Variants in JAKMIP1 observed in about 807,000 individuals in gnomAD.
The protein encoded by JAKMIP1 is janus kinase and microtubule interacting protein 1.
A neutral mutation model predicts 113.0 loss-of-function variants in JAKMIP1; 33 were observed. The observed-to-expected ratio is 0.29, with a 90% CI of 0.22 to 0.39. JAKMIP1 has a LOEUF of 0.39. JAKMIP1 is among the 10% of genes least tolerant of loss of function. JAKMIP1 has a pLI of 1.00. For synonymous variants in JAKMIP1, 480 were observed against 459.9 expected (o/e 1.04, Z -0.56); for missense variants, 813 against 1,080.5 (o/e 0.75, Z 3.47).
chr4:6,077,389 G>T (rs1258770295), intron 8 of JAKMIP1, among the ~76,000 whole-genome samples: 1 of 151,886 alleles, frequency 6.6e-6, no homozygotes, highest in Non-Finnish European at 1.5e-5. Flanking sequence ...GGAGGGGTCT[G>T]CTACGGGTTT....
In JAKMIP1 at chr4:6,155,853, C is replaced by G. The variant is rs757067260; in HGVS notation, c.-147-42856G>C. ...AGCCTTCCTGGGTCCTGCCCTAGAC[C>G]TCATGAATGGCACTCTCTAGAGGTG... On this transcript the variant is annotated intron_variant, in intron 1 of 20. Transcript: ENST00000409021. The surrounding 1 kb of genome is among the most constrained non-coding windows in gnomAD (Gnocchi z 6.1). Among the ~76,000 whole-genome samples, 4 of 152,138 alleles carry G rather than the reference C, an allele frequency of 2.6e-5. No individual in the cohort carries two copies. Among genetic ancestry groups the G allele is most frequent in the Non-Finnish European group, 4.4e-5 (3 of 68,034 alleles).
intron 2 of JAKMIP1, among the ~76,000 whole-genome samples, chr4:6,110,918 G>T (rs1015080260): frequency 6.6e-6 from 1 of 151,234 alleles, no homozygotes; most frequent in African/African-American, 2.4e-5. Context: ...CCCCAGCCCC[G>T]GAGGTGACCT....
chr4:6,060,503 C>G lies in JAKMIP1; in HGVS notation c.1565G>C (p.Arg522Pro). Residue 522 changes from arginine (R) to proline (P), a missense_variant, in exon 11 of 21, where the codon CGG becomes CCG. Physicochemically the swap from Arg to Pro is moderately radical, Grantham distance 103. Coordinates refer to ENST00000409021, the MANE Select transcript of JAKMIP1 (RefSeq NM_001099433.2). ...CAGCAGATCAGCTTGTAGCTGCTCC[C>G]GAGTCTGGAAGGGAAAAGACCAGGC... The part of the protein sequence containing the change: ...TLDAEREART[R>P]EQLQADLLRC... 6.2e-7 allele frequency: 1 copy of G among 1,613,604 alleles called. No homozygotes were observed. Among genetic ancestry groups the G allele is most frequent in the Non-Finnish European group, 8.5e-7 (1 of 1,179,578 alleles).
chr4:6,104,514 G>A (rs1024677708), intron 3 of JAKMIP1, among the ~76,000 whole-genome samples: 19 of 152,254 alleles, frequency 1.2e-4, no homozygotes, highest in Non-Finnish European at 1.3e-4. Context: ...TGCTTGCACA[G>A]TGTATCTTTC....
chr4:6,041,449 CCTT>C (rs1319007171), intron 17 of JAKMIP1, among the ~76,000 whole-genome samples: 4 of 152,268 alleles, frequency 2.6e-5, no homozygotes, highest in Non-Finnish European at 5.9e-5. Context: ...CCACCTTCCT[CCTT>C]CTCCTCCCAT....
At chr4:6,062,478 A>C in intron 9 of JAKMIP1, 38 bp from the exon 10 acceptor site, 1 of 1,581,170 alleles carries the variant, frequency 6.3e-7, no homozygotes, top group South Asian at 1.1e-5. Context: ...AATCAAGTGC[A>C]AAATTACAAT....
In JAKMIP1 at chr4:6,153,689, C is replaced by G. The variant is rs1357636605; in HGVS notation, c.-147-40692G>C. On this transcript the variant is annotated intron_variant, in intron 1 of 20. Coordinates refer to ENST00000409021, the MANE Select transcript of JAKMIP1 (RefSeq NM_001099433.2). This position sits in a 1 kb window ranked among gnomAD's most constrained non-coding sequence, Gnocchi z 4.9. Reference sequence around the variant, plus strand: ...ATGTGCTTAGTACTTTTCTTTAACACTACTGACTTTTGAAAAACCTGTACA... The same window carrying G: ...ATGTGCTTAGTACTTTTCTTTAACAGTACTGACTTTTGAAAAACCTGTACA... Among the ~76,000 whole-genome samples the G allele has an allele frequency of 6.6e-6, 1 of 152,202 alleles. No homozygotes were observed. Among genetic ancestry groups the G allele is most frequent in the African/African-American group, 2.4e-5 (1 of 41,452 alleles).
Position 6,180,621 on chromosome 4 carries a change from G to C in JAKMIP1, c.-148+19632C>G, listed in dbSNP as rs533879868. ...TGTTTCAAACTGTCCAAATTACCTAGTATTCTGCAGCCCTGTGACAAGGGT... is the reference window on the plus strand; with the variant it reads ...TGTTTCAAACTGTCCAAATTACCTACTATTCTGCAGCCCTGTGACAAGGGT... On this transcript the variant is annotated intron_variant, in intron 1 of 20. Transcript: ENST00000409021. This position sits in a 1 kb window ranked among gnomAD's most constrained non-coding sequence, Gnocchi z 4.5. Among the ~76,000 whole-genome samples the C allele has an allele frequency of 6.6e-6, 1 of 152,302 alleles. No individual in the cohort carries two copies. The highest frequency in any genetic ancestry group is 2.4e-5 in the African/African-American group (1 of 41,560).
chr4:6,098,524 AAGAG>A (rs747154232), intron 3 of JAKMIP1, among the ~76,000 whole-genome samples: 45 of 85,052 alleles, frequency 5.3e-4, no homozygotes, highest in East Asian at 1.1e-3. Context: ...GGAAGGAAGA[AAGAG>A]AGAGAGAGAG....
chr4:6,177,770 T>C (rs1017800114), intron 1 of JAKMIP1, among the ~76,000 whole-genome samples: 1 of 152,086 alleles, frequency 6.6e-6, no homozygotes, highest in Admixed American at 6.6e-5. Flanking sequence ...CCAATGCCAC[T>C]ACCCACATCA....
Position 6,064,542 on chromosome 4 carries a change from C to T in JAKMIP1, c.1431+338G>A, listed in dbSNP as rs553985686. On this transcript the variant is annotated intron_variant, in intron 9 of 20. Transcript: ENST00000409021. This position sits in a 1 kb window ranked among gnomAD's most constrained non-coding sequence, Gnocchi z 4.3. ...CGTGGGGACCAGGGAGAGACCATTA[C>T]GCAGCAGTTTTAATTGCAAATGGTG... Among the ~76,000 whole-genome samples, 84 of 152,270 alleles carry T rather than the reference C, an allele frequency of 5.5e-4. No homozygotes were observed. The highest frequency in any genetic ancestry group is 1.9e-3 in the African/African-American group (79 of 41,564).
chr4:6,109,695 A>G (rs943751268), intron 2 of JAKMIP1, among the ~76,000 whole-genome samples: 1 of 152,068 alleles, frequency 6.6e-6, no homozygotes, highest in East Asian at 1.9e-4. Context: ...GCAGATGAAT[A>G]GACAGACACG....
intron 1 of JAKMIP1, among the ~76,000 whole-genome samples, chr4:6,146,033 A>G (rs1369805125): frequency 1.3e-5 from 2 of 152,198 alleles, no homozygotes; most frequent in Non-Finnish European, 2.9e-5. Flanking sequence ...GTGTCTCTCA[A>G]TAGATGAATA....
intron 1 of JAKMIP1, among the ~76,000 whole-genome samples, chr4:6,164,147 G>A (rs1578430952): frequency 6.6e-6 from 1 of 152,318 alleles, no homozygotes; most frequent in East Asian, 1.9e-4. Context: ...AGGACTTTCT[G>A]AGTTAAAAAG....
chr4:6,182,392 G>C (rs180797116), intron 1 of JAKMIP1, among the ~76,000 whole-genome samples: 21 of 131,110 alleles, frequency 1.6e-4, no homozygotes, highest in Middle Eastern at 5.3e-3. Context: ...CTGGGTAACA[G>C]AGCGAGACCC....
At position 6,112,803 on chromosome 4, in the gene JAKMIP1, C is replaced by T. The variant is rs143274547; in HGVS notation, c.48G>A (p.Thr16=). Residue 16 remains threonine, a synonymous_variant, in exon 2 of 21, where the codon ACG becomes ACA. Coordinates refer to ENST00000409021, the MANE Select transcript of JAKMIP1 (RefSeq NM_001099433.2). ...CCTCGTTGGCCATCTGCACCGCGTC[C>T]GTCTCCATCTCGGGCTTCTCGCCCT... ...RSKGEKPEME[T]DAVQMANEEL... The T allele has an allele frequency of 3.0e-5, 49 of 1,614,100 alleles. No individual in the cohort carries two copies. In the African/African-American group the frequency reaches 5.3e-4, roughly 18 times the overall value.
rs534701634 is a variant in JAKMIP1 at position 6,104,386 on chromosome 4, G to A, written c.624+1087C>T. 4.6e-5 allele frequency among the ~76,000 whole-genome samples: 7 copies of A among 152,268 alleles called. No homozygotes were observed. The South Asian group carries it at 1.5e-3, about 32-fold the overall frequency. On this transcript the variant is annotated intron_variant, in intron 3 of 20. Coordinates refer to ENST00000409021, the MANE Select transcript of JAKMIP1 (RefSeq NM_001099433.2). ...ACATTTTGAGGTTTTGTTATTGAATGCATTCCCACTGAATTGACCCTTTAT... is the reference window on the plus strand; with the variant it reads ...ACATTTTGAGGTTTTGTTATTGAATACATTCCCACTGAATTGACCCTTTAT...
At chr4:6,175,225 G>C in intron 1 of JAKMIP1, among the ~76,000 whole-genome samples, 1 of 152,102 alleles carries the variant, frequency 6.6e-6, no homozygotes, top group East Asian at 1.9e-4. Flanking sequence ...GCTCAGAAAG[G>C]TTAAGGAACC....
chr4:6,066,915 C>G (rs1166574929), intron 8 of JAKMIP1, among the ~76,000 whole-genome samples: 1 of 151,870 alleles, frequency 6.6e-6, no homozygotes, highest in Non-Finnish European at 1.5e-5. Context: ...GCACCCCACA[C>G]ACACCTGCCA....
Sources: allele counts gnomAD v4.1 joint callset (sites outside exome capture counted in the v4.1 genomes callset), GRCh38; gene constraint gnomAD v4.1.1; non-coding constraint Gnocchi (gnomAD v3.1); transcripts MANE v1.5; gene names NCBI Gene and HGNC (gene_info 2026-07-23, HGNC 2026-07-21).